The following DDB1 variants were observed in gnomAD, a reference collection of about 807,000 sequenced individuals.
DDB1 encodes the protein DNA damage-binding protein 1.
Under a neutral mutation model 133.1 loss-of-function variants are expected in DDB1, and 18 were observed. That is an observed-to-expected ratio of 0.14 (90% CI 0.09 to 0.20). The LOEUF is 0.20. Ranked by LOEUF, DDB1 falls within the 10% of genes least tolerant of loss-of-function variation. DDB1 has a pLI of 1.00. For missense variants in DDB1, 828 were observed against 1,459.2 expected, an observed-to-expected ratio of 0.57 and a Z score of 7.05; for synonymous variants, 580 against 550.5, an observed-to-expected ratio of 1.05 and a Z score of -0.75.
At chr11:61,319,146 T>C (rs1188499442) in intron 10 of DDB1, among the ~76,000 whole-genome samples, 2 of 152,166 alleles carry the variant, frequency 1.3e-5, no homozygotes, top group Non-Finnish European at 2.9e-5. Context: ...ATTGAGGCTA[T>C]GGTAAGCCGT....
chr11:61,307,415 G>T (rs1410186206), intron 21 of DDB1, among the ~76,000 whole-genome samples: 2 of 152,164 alleles, frequency 1.3e-5, no homozygotes, highest in Non-Finnish European at 2.9e-5. Context: ...GCAACACTTG[G>T]AGTTTACCAA....
intron 10 of DDB1, among the ~76,000 whole-genome samples, chr11:61,317,939 T>G (rs1856118831): frequency 6.6e-6 from 1 of 152,152 alleles, no homozygotes; most frequent in Non-Finnish European, 1.5e-5. Flanking sequence ...AGGATCTTGC[T>G]ATGTTGCTCC....
chr11:61,331,725 G>GT, intron 1 of DDB1, 34 bp from the exon 2 acceptor site: 1 of 1,611,696 alleles, frequency 6.2e-7, no homozygotes, highest in Non-Finnish European at 8.5e-7. Context: ...TTTGAACTCA[G>GT]GGGAAGGGCC....
chr11:61,302,925 G>GA, intron 23 of DDB1, 121 bp downstream of exon 23: 1 of 1,281,584 alleles, frequency 7.8e-7, no homozygotes, highest in Admixed American at 2.0e-5. Context: ...CTCTGACGAG[G>GA]AAAGTTCTAT....
chr11:61,329,985 G>T lies in DDB1; in HGVS notation c.300C>A (p.Ile100=). Reference sequence around the variant, plus strand: ...GGACATTGCCATGGGCTCGCGTAATGATGTCAATGCTCTCGCCACTCTGTT... The same window carrying T: ...GGACATTGCCATGGGCTCGCGTAATTATGTCAATGCTCTCGCCACTCTGTT... ...EYKQSGESID[I]ITRAHGNVQD... Residue 100 remains isoleucine (I), a synonymous_variant, in exon 3 of 27, where the codon ATC becomes ATA. Transcript: ENST00000301764. 1.2e-6 allele frequency: 2 copies of T among 1,613,478 alleles called. No homozygotes were observed. Among genetic ancestry groups the T allele is most frequent in the Non-Finnish European group, 1.7e-6 (2 of 1,179,494 alleles).
intron 20 of DDB1, among the ~76,000 whole-genome samples, 189 bp from the exon 21 acceptor site, chr11:61,309,266 G>A (rs1855923136): frequency 1.3e-5 from 2 of 152,050 alleles, no homozygotes; most frequent in South Asian, 4.2e-4. Context: ...AATGTGCAGA[G>A]AAATCCAGTT....
At chr11:61,323,944 G>A (rs765827520) in intron 7 of DDB1, 35 bp downstream of exon 7, 2 of 1,612,554 alleles carry the variant, frequency 1.2e-6, no homozygotes, top group African/African-American at 2.7e-5. Context: ...GAACCTAAAA[G>A]AACATTGTAG....
intron 10 of DDB1, among the ~76,000 whole-genome samples, chr11:61,321,012 G>C (rs1407423035): frequency 6.6e-6 from 1 of 151,750 alleles, no homozygotes; most frequent in Non-Finnish European, 1.5e-5. Context: ...CTAGAACCAA[G>C]TAACTGCAAC....
At chr11:61,307,318 T>C (rs767824603) in intron 21 of DDB1, among the ~76,000 whole-genome samples, 6 of 152,254 alleles carry the variant, frequency 3.9e-5, no homozygotes, top group Non-Finnish European at 7.3e-5. Flanking sequence ...TGCAATCAGG[T>C]TTCTAGCCCC....
At chr11:61,304,091 T>A (rs1339858988) in intron 21 of DDB1, 56 bp from the exon 22 acceptor site, 12 of 1,592,808 alleles carry the variant, frequency 7.5e-6, no homozygotes, top group African/African-American at 1.3e-5. Context: ...TCAGAATGAC[T>A]CCCCCCAACT....
chr11:61,326,894 C>CT lies in DDB1; in HGVS notation c.550-2dup, dbSNP rs1434955043. ...TTTTTACGTGCCGCCCCTGAGGGTC[C>CT]TGGGGGGGAAAGGTAAAATGGTTAG... On this transcript the variant is annotated splice_acceptor_variant, in intron 4 of 26. Coordinates refer to ENST00000301764, the MANE Select transcript of DDB1 (RefSeq NM_001923.5). LOFTEE classifies it high-confidence loss of function. 5 of 1,612,148 alleles carry CT rather than the reference C, an allele frequency of 3.1e-6. 1 individual carries two copies. Among genetic ancestry groups the CT allele is most frequent in the East Asian group, 2.2e-5 (1 of 44,890 alleles).
In DDB1 at chr11:61,310,874, G is replaced by A. The variant is rs28720323; in HGVS notation, c.2278-456C>T. 6.0e-3 allele frequency: 916 copies of A among 153,582 alleles called. 20 individuals carry two copies. Among genetic ancestry groups the A allele is most frequent in the Admixed American group, 0.032 (504 of 15,522 alleles). The allele number at this position is 153,582 out of a possible 1,614,324, so 9.5% of individuals were successfully genotyped here. ...CTGGTATCACCACTGAGCCTAGTAT[G>A]TGTAGCTCCAGACTGTTATCTGCCT... On this transcript the variant is annotated intron_variant, in intron 18 of 26. Transcript: ENST00000301764.
In DDB1 at chr11:61,325,715, G is replaced by GA. The variant is rs1565037755; in HGVS notation, c.665-8dup. The GA allele has an allele frequency of 6.2e-7, 1 of 1,609,292 alleles. No individual in the cohort carries two copies. The highest frequency in any genetic ancestry group is 2.2e-5 in the East Asian group (1 of 44,864). ...CCCCCAAAGGGCTCTGGGACTGCAG[G>GA]AAAGACAGCAAAATTAGAATGCTCA... is the stretch of plus-strand genomic sequence containing the variant. On this transcript the variant is annotated splice_region_variant and splice_polypyrimidine_tract_variant and intron_variant, in intron 5 of 26. Coordinates refer to ENST00000301764, the MANE Select transcript of DDB1 (RefSeq NM_001923.5).
At chr11:61,327,947 A>C (rs760666496) in intron 4 of DDB1, among the ~76,000 whole-genome samples, 1 of 152,272 alleles carries the variant, frequency 6.6e-6, no homozygotes, top group Admixed American at 6.5e-5. Context: ...AACAGAAGAT[A>C]GTAATTTTTG....
chr11:61,328,142 A>G (rs1856299046), intron 4 of DDB1, among the ~76,000 whole-genome samples: 1 of 152,244 alleles, frequency 6.6e-6, no homozygotes, highest in South Asian at 2.1e-4. Flanking sequence ...ATGACCTAAT[A>G]TTACAAAACT....
chr11:61,308,620 G>C (rs1174440256), intron 21 of DDB1, among the ~76,000 whole-genome samples: 2 of 152,192 alleles, frequency 1.3e-5, no homozygotes, highest in Non-Finnish European at 2.9e-5. Context: ...AGGAGGTAGG[G>C]TCATGGCATA....
chr11:61,301,190 C>A, intron 25 of DDB1: 1 of 425,838 alleles, frequency 2.3e-6, no homozygotes, highest in Non-Finnish European at 4.2e-6. Flanking sequence ...ATGTGAAGCC[C>A]GTATATGTAT....
chr11:61,303,013 TC>T (rs756756243), intron 23 of DDB1, 32 bp downstream of exon 23: 1 of 1,591,966 alleles, frequency 6.3e-7, no homozygotes, highest in African/African-American at 1.3e-5. Context: ...CTCCCAGCCC[TC>T]CCCACCACTC....
At chr11:61,325,869 T>G (rs1477825785) in intron 5 of DDB1, 161 bp from the exon 6 acceptor site, 5 of 694,338 alleles carry the variant, frequency 7.2e-6, no homozygotes, top group Non-Finnish European at 1.3e-5. Flanking sequence ...TTTACGAGAC[T>G]CTTAGAATTT....
Sources: allele counts gnomAD v4.1 joint callset (sites outside exome capture counted in the v4.1 genomes callset), GRCh38; gene constraint gnomAD v4.1.1; transcripts MANE v1.5; gene names NCBI Gene and HGNC (gene_info 2026-07-23, HGNC 2026-07-21).